The following FGF1 variants were observed in gnomAD, a reference collection of about 807,000 sequenced individuals.
FGF1 encodes beta-endothelial cell growth factor.
A neutral mutation model predicts 13.4 loss-of-function variants in FGF1; 9 were observed. The observed-to-expected ratio is 0.67, with a 90% CI of 0.40 to 1.17. FGF1 has a LOEUF of 1.17. Among genes scored for constraint, FGF1 ranks in the 50% most tolerant of loss-of-function variants. The pLI, the probability that FGF1 is intolerant of heterozygous loss-of-function variation, is 0.01. For synonymous variants in FGF1, 93 were observed against 79.0 expected, an observed-to-expected ratio of 1.18 and a Z score of -0.94; for missense variants, 156 against 192.7, an observed-to-expected ratio of 0.81 and a Z score of 1.13.
At chr5:142,696,081 G>C (rs1354183252) in intron 2 of FGF1, among the ~76,000 whole-genome samples, 2 of 152,154 alleles carry the variant, frequency 1.3e-5, no homozygotes, top group Non-Finnish European at 2.9e-5. Context: ...CCTGGTGCAT[G>C]GTCTGGGAGC....
chr5:142,603,998 A>G (rs1757124390), intron 2 of FGF1, among the ~76,000 whole-genome samples: 1 of 152,218 alleles, frequency 6.6e-6, no homozygotes, highest in Admixed American at 6.5e-5. Flanking sequence ...GCTGAGTGGG[A>G]AGAAAGCATC....
intron 2 of FGF1, among the ~76,000 whole-genome samples, chr5:142,608,558 A>ATATATATATACACATC (rs1554077108): frequency 5.8e-5 from 5 of 85,776 alleles, no homozygotes; most frequent in Non-Finnish European, 1.1e-4. Flanking sequence ...ATATATATAT[A>ATATATATATACACATC]TATATATATA....
intron 1 of FGF1, among the ~76,000 whole-genome samples, chr5:142,652,050 T>A (rs551361292): frequency 9.2e-5 from 14 of 152,272 alleles, no homozygotes; most frequent in African/African-American, 3.4e-4. Flanking sequence ...AACGCTGCAA[T>A]GGAGGAATTA....
chr5:142,597,233 G>A (rs1755460361), intron 3 of FGF1, among the ~76,000 whole-genome samples: 1 of 152,164 alleles, frequency 6.6e-6, no homozygotes, highest in Non-Finnish European at 1.5e-5. Context: ...CTTTGACTCA[G>A]CAATTTCACT....
At chr5:142,603,739 C>T (rs1201401050) in intron 2 of FGF1, among the ~76,000 whole-genome samples, 1 of 152,100 alleles carries the variant, frequency 6.6e-6, no homozygotes, top group African/African-American at 2.4e-5. Flanking sequence ...GATGGGACCA[C>T]GTGGAGAGTT....
At chr5:142,620,292 C>T (rs1481494451) in intron 1 of FGF1, among the ~76,000 whole-genome samples, 1 of 152,092 alleles carries the variant, frequency 6.6e-6, no homozygotes. Flanking sequence ...GTGGTGGGCG[C>T]CTGTAGTCCC....
Position 142,595,363 on chromosome 5 carries a change from C to A in FGF1, c.395G>T (p.Cys132Phe), listed in dbSNP as rs1222942974. Residue 132 changes from cysteine to phenylalanine, a missense_variant, in exon 4 of 4, where the codon TGC becomes TTC. By Grantham distance (205) the Cys-to-Phe change is radical. Transcript: ENST00000337706. ...ATAGTGAGTCCGAGGACCGCGTTTG[C>A]AGCTCCCATTCTTCTTGAGGCCAAC... Reference protein sequence around the residue: ...WFVGLKKNGSCKRGPRTHYGQ... With the variant: ...WFVGLKKNGSFKRGPRTHYGQ... 3.1e-6 allele frequency: 5 copies of A among 1,613,966 alleles called. No individual in the cohort carries two copies. Among genetic ancestry groups the A allele is most frequent in the Non-Finnish European group, 4.2e-6 (5 of 1,179,974 alleles).
At chr5:142,602,092 G>T (rs963411483) in intron 2 of FGF1, among the ~76,000 whole-genome samples, 2 of 152,184 alleles carry the variant, frequency 1.3e-5, no homozygotes, top group Non-Finnish European at 2.9e-5. Flanking sequence ...TCTTGGCAGA[G>T]GCCAAGGGGC....
At chr5:142,623,897 G>A (rs1160036430) in intron 1 of FGF1, among the ~76,000 whole-genome samples, 1 of 151,394 alleles carries the variant, frequency 6.6e-6, no homozygotes, top group Non-Finnish European at 1.5e-5. Flanking sequence ...TACAGGCATA[G>A]GCCACCATGC....
At chr5:142,608,560 A>ACACATC (rs1561537824) in intron 2 of FGF1, among the ~76,000 whole-genome samples, 74 of 92,880 alleles carry the variant, frequency 8.0e-4, no homozygotes, top group African/African-American at 3.7e-3. Flanking sequence ...ATATATATAT[A>ACACATC]TATATATATA....
chr5:142,694,761 C>T (rs1272347954), intron 2 of FGF1, among the ~76,000 whole-genome samples: 2 of 152,138 alleles, frequency 1.3e-5, no homozygotes, highest in Non-Finnish European at 2.9e-5. Flanking sequence ...ACCCTACCCC[C>T]GTTTAATTAA....
At chr5:142,675,781 G>A (rs553737196) in intron 1 of FGF1, among the ~76,000 whole-genome samples, 1 of 152,306 alleles carries the variant, frequency 6.6e-6, no homozygotes, top group East Asian at 1.9e-4. Flanking sequence ...ATAATAGCCT[G>A]TCCTTTTATC....
At chr5:142,625,681 C>A (rs1762343369) in intron 1 of FGF1, among the ~76,000 whole-genome samples, 1 of 152,322 alleles carries the variant, frequency 6.6e-6, no homozygotes, top group African/African-American at 2.4e-5. Context: ...CATTAAAGCC[C>A]CAGGGCTTCA....
intron 1 of FGF1, among the ~76,000 whole-genome samples, chr5:142,643,541 A>T (rs1480710313): frequency 6.6e-6 from 1 of 152,148 alleles, no homozygotes; most frequent in African/African-American, 2.4e-5. Context: ...AAAGTTCCTC[A>T]CTCAAGTCTC....
chr5:142,601,119 A>G (rs1299280597), intron 2 of FGF1: 1 of 536,128 alleles, frequency 1.9e-6, no homozygotes, highest in South Asian at 1.4e-5. Flanking sequence ...TCTTTCTGTC[A>G]CTTGTAGGAA....
chr5:142,672,799 C>T (rs888741933), intron 1 of FGF1, among the ~76,000 whole-genome samples: 1 of 152,130 alleles, frequency 6.6e-6, no homozygotes, highest in African/African-American at 2.4e-5. Flanking sequence ...GCCACCGCCC[C>T]CTGCCTTCTA....
intron 1 of FGF1, among the ~76,000 whole-genome samples, chr5:142,652,808 C>T (rs1017629375): frequency 7.9e-5 from 12 of 152,234 alleles, no homozygotes; most frequent in African/African-American, 2.4e-4. Context: ...CGTGTGTCCA[C>T]GCCAGGCCCC....
At chr5:142,662,251 G>A (rs550842119) in intron 1 of FGF1, among the ~76,000 whole-genome samples, 18 of 152,220 alleles carry the variant, frequency 1.2e-4, no homozygotes, top group South Asian at 4.1e-4. Flanking sequence ...TTGAACGGAC[G>A]AACTGTATAA....
intron 2 of FGF1, among the ~76,000 whole-genome samples, chr5:142,606,589 C>T (rs1032192902): frequency 3.9e-5 from 6 of 152,184 alleles, no homozygotes; most frequent in African/African-American, 1.2e-4. Context: ...TGCCACTGCA[C>T]TCCAGCCTGG....
Sources: allele counts gnomAD v4.1 joint callset (sites outside exome capture counted in the v4.1 genomes callset), GRCh38; gene constraint gnomAD v4.1.1; transcripts MANE v1.5; gene names NCBI Gene and HGNC (gene_info 2026-07-23, HGNC 2026-07-21).